DNAH10: variants seen among roughly 807,000 people sequenced by gnomAD.
DNAH10 encodes the protein axonemal beta dynein heavy chain 10.
DNAH10 carries 348 observed loss-of-function variants against 506.6 expected under a neutral mutation model. The observed-to-expected ratio is 0.69, with a 90% CI of 0.63 to 0.75. The LOEUF is 0.75. Among genes scored for constraint, DNAH10 ranks in the 30% least tolerant of loss-of-function variants. DNAH10 has a pLI of 0.00. For synonymous variants in DNAH10, 2,059 were observed against 2,198.6 expected (o/e 0.94, Z 1.78); for missense variants, 5,179 against 5,787.1 (o/e 0.89, Z 3.41).
rs925946450 is a variant in DNAH10 at position 123,772,228 on chromosome 12, A to G, written c.396+530A>G. On this transcript the variant is annotated intron_variant, in intron 3 of 78. Transcript: ENST00000673944. ...ACCCTAGAGGTTGAACTGATCCTGTATGACTGGGGCCCCAGCAAACAAAAA... is the reference window on the plus strand; with the variant it reads ...ACCCTAGAGGTTGAACTGATCCTGTGTGACTGGGGCCCCAGCAAACAAAAA... Among the ~76,000 whole-genome samples the G allele has an allele frequency of 3.3e-5, 5 of 152,180 alleles. No homozygotes were observed. The South Asian group carries it at 1.0e-3, about 32-fold the overall frequency.
intron 1 of DNAH10, among the ~76,000 whole-genome samples, chr12:123,763,656 A>G (rs1395850408): frequency 7.5e-6 from 1 of 133,896 alleles, no homozygotes; most frequent in Non-Finnish European, 1.6e-5. Flanking sequence ...CTCTGCCTCC[A>G]GGGCTCAAGT....
intron 39 of DNAH10, among the ~76,000 whole-genome samples, chr12:123,862,425 CTG>C (rs762331340): frequency 2.2e-4 from 34 of 151,926 alleles, no homozygotes; most frequent in Non-Finnish European, 4.7e-4. Flanking sequence ...GGGTCGTGCT[CTG>C]TTGCCCAGGC....
At chr12:123,910,812 T>TA in intron 59 of DNAH10, 140 bp downstream of exon 59, 1 of 1,078,438 alleles carries the variant, frequency 9.3e-7, no homozygotes, top group Non-Finnish European at 1.3e-6. Flanking sequence ...CACCACCCAA[T>TA]AAATGGCAAT....
Position 123,868,136 on chromosome 12 carries a change from G to T in DNAH10, c.7519+17G>T, listed in dbSNP as rs572505228. On this transcript the variant is annotated intron_variant, in intron 43 of 78. Transcript: ENST00000673944. ...AACTGCCAGGTGGGAACCGAGTGTCGCCTGTTTCCCTGCTCTGAGTGCCTT... is the reference window on the plus strand; with the variant it reads ...AACTGCCAGGTGGGAACCGAGTGTCTCCTGTTTCCCTGCTCTGAGTGCCTT... The T allele has an allele frequency of 2.4e-5, 39 of 1,605,008 alleles. No individual in the cohort carries two copies. In the East Asian group the frequency reaches 7.1e-4, roughly 29 times the overall value.
intron 76 of DNAH10, chr12:123,932,719 G>A (rs1312004238): frequency 6.6e-6 from 1 of 152,556 alleles, no homozygotes; most frequent in Non-Finnish European, 1.5e-5. Flanking sequence ...TTGGATCACT[G>A]TCTCCCTGAT....
At chr12:123,915,060 C>G in intron 62 of DNAH10, 61 bp downstream of exon 62, 1 of 1,516,022 alleles carries the variant, frequency 6.6e-7, no homozygotes. Context: ...GAGAATGCCC[C>G]TCCCGCCTCC....
chr12:123,783,822 C>A, intron 7 of DNAH10, 125 bp from the exon 8 acceptor site: 2 of 823,604 alleles, frequency 2.4e-6, no homozygotes, highest in Non-Finnish European at 3.9e-6. Flanking sequence ...GGTCAAGAGC[C>A]CACCCCTGAA....
Position 123,871,742 on chromosome 12 carries a change from C to T in DNAH10, c.7785+140C>T, listed in dbSNP as rs1952044958. On this transcript the variant is annotated intron_variant, in intron 45 of 78. Transcript: ENST00000673944. ...GAGTGACTTACCTGGGAGCTTCTAGCTCAGGCTCTCATGGGATTGCAGTCA... is the reference window on the plus strand; with the variant it reads ...GAGTGACTTACCTGGGAGCTTCTAGTTCAGGCTCTCATGGGATTGCAGTCA... 5.8e-6 allele frequency: 6 copies of T among 1,032,054 alleles called. No homozygotes were observed. In the South Asian group the frequency reaches 8.0e-5, roughly 14 times the overall value. 63.9% of individuals were successfully genotyped at this position (1,032,054 alleles called of 1,614,324 possible).
At position 123,833,104 on chromosome 12, in the gene DNAH10, T is replaced by A; in HGVS notation, c.4546-10T>A. 6.3e-7 allele frequency: 1 copy of A among 1,593,598 alleles called. No homozygotes were observed. Among genetic ancestry groups the A allele is most frequent in the Non-Finnish European group, 8.6e-7 (1 of 1,167,380 alleles). ...TGTGCCTGAATCATTCTTTTTCTAT[T>A]CCTGAACAGGCTGTGAAGGAAATCC... On this transcript the variant is annotated splice_polypyrimidine_tract_variant and intron_variant, in intron 26 of 78. Coordinates refer to ENST00000673944, the MANE Select transcript of DNAH10 (RefSeq NM_001372106.1).
chr12:123,804,263 C>T lies in DNAH10; in HGVS notation c.2779+438C>T, dbSNP rs372356287. 3.6e-3 allele frequency among the ~76,000 whole-genome samples: 543 copies of T among 152,224 alleles called. 2 individuals carry two copies. The highest frequency in any genetic ancestry group is 0.012 in the African/African-American group (519 of 41,532). ...ACTTTAGGCAGGGCTCGGTGGCTCA[C>T]GCCTATAATCCCAGCACTTTGGGAG... On this transcript the variant is annotated intron_variant, in intron 17 of 78. Transcript: ENST00000673944.
chr12:123,798,409 G>A (rs1023533450), intron 13 of DNAH10, among the ~76,000 whole-genome samples: 135 of 152,188 alleles, frequency 8.9e-4, no homozygotes, highest in African/African-American at 3.2e-3. Context: ...TGAAGGGGCA[G>A]GTGCTGCCCA....
intron 57 of DNAH10, among the ~76,000 whole-genome samples, chr12:123,904,367 G>A (rs1953676150): frequency 6.6e-6 from 1 of 152,172 alleles, no homozygotes; most frequent in African/African-American, 2.4e-5. Context: ...ATCCTCCAGG[G>A]AAATTTCTAG....
At chr12:123,792,124 T>G in intron 11 of DNAH10, among the ~76,000 whole-genome samples, 1 of 152,358 alleles carries the variant, frequency 6.6e-6, no homozygotes, top group Non-Finnish European at 1.5e-5. Context: ...TTCATAACTT[T>G]TAGTTAAATT....
At position 123,850,858 on chromosome 12, in the gene DNAH10, C is replaced by T. The variant is rs962212401; in HGVS notation, c.6103-30C>T. The T allele has an allele frequency of 6.3e-7, 1 of 1,589,322 alleles. No individual in the cohort carries two copies. Among genetic ancestry groups the T allele is most frequent in the Admixed American group, 1.7e-5 (1 of 57,646 alleles). On this transcript the variant is annotated intron_variant, in intron 34 of 78. Transcript: ENST00000673944. The surrounding 1 kb of genome is among the most constrained non-coding windows in gnomAD (Gnocchi z 5.5). ...GCTGGCCGGCCGGGCCACCTAACTG[C>T]TTCTTTCTTTCTTCCTTCTTGCCCT...
At chr12:123,908,339 C>A in intron 57 of DNAH10, 1 of 456,156 alleles carries the variant, frequency 2.2e-6, no homozygotes. Flanking sequence ...CTCACCCCAG[C>A]CTCCTACCAG....
In DNAH10 at chr12:123,881,644, A is replaced by G; in HGVS notation, c.8654A>G (p.Asn2885Ser). 1 of 1,538,580 alleles carries G rather than the reference A, an allele frequency of 6.5e-7. No individual in the cohort carries two copies. The highest frequency in any genetic ancestry group is 1.4e-5 in the African/African-American group (1 of 72,132). ...ATGCAGGAAATTCTTGAAGAGTATAATGAAAGCAACACCAAAATGAACTTG... is the reference window on the plus strand; with the variant it reads ...ATGCAGGAAATTCTTGAAGAGTATAGTGAAAGCAACACCAAAATGAACTTG... ...ALFQEILEEY[N>S]ESNTKMNLVL... Residue 2885 changes from asparagine to serine, a missense_variant, in exon 51 of 79, where the codon AAT becomes AGT. Around this residue, in one of 3 missense-constraint regions of DNAH10, gnomAD observed 4,844 missense variants for 5,430.5 expected, o/e 0.89. Transcript: ENST00000673944.
rs1462141356 is a variant in DNAH10 at position 123,925,373 on chromosome 12, A to T, written c.11921+169A>T. The T allele has an allele frequency of 2.1e-6, 2 of 930,606 alleles. No homozygotes were observed. The allele number at this position is 930,606 out of a possible 1,614,324, so 57.6% of individuals were successfully genotyped here. On this transcript the variant is annotated intron_variant, in intron 68 of 78. Transcript: ENST00000673944. This position sits in a 1 kb window ranked among gnomAD's most constrained non-coding sequence, Gnocchi z 4.0. ...ATTCTAGAATTCTTCAATATTCTAG[A>T]ACAGTGCTAGTCATAAGAAATTCAG...
At chr12:123,864,765 T>A in intron 40 of DNAH10, 35 bp downstream of exon 40, 1 of 1,574,866 alleles carries the variant, frequency 6.3e-7, no homozygotes, top group South Asian at 1.2e-5. Context: ...TGAACATAAA[T>A]CTTTCTTGTA....
chr12:123,826,615 C>G (rs76602994), intron 24 of DNAH10, 72 bp from the exon 25 acceptor site: 19 of 1,399,418 alleles, frequency 1.4e-5, no homozygotes, highest in Non-Finnish European at 1.7e-5. Flanking sequence ...GACTAAGAGT[C>G]AAGAACTTGC....
Sources: gnomAD v4.1 joint callset for allele counts (sites outside exome capture counted in the v4.1 genomes callset) on GRCh38, gnomAD v4.1.1 for gene constraint, gnomAD v4.1.1 regional missense constraint, Gnocchi (gnomAD v3.1) non-coding constraint, MANE v1.5 for transcripts, NCBI Gene and HGNC (gene_info 2026-07-23, HGNC 2026-07-21) for gene names.